Variants in AGTPBP1 observed in about 807,000 individuals in gnomAD.
AGTPBP1 encodes the protein cytosolic carboxypeptidase 1.
Under a neutral mutation model 143.9 loss-of-function variants are expected in AGTPBP1, and 70 were observed. That is an observed-to-expected ratio of 0.49 (90% CI 0.40 to 0.59). The LOEUF is 0.59. Among genes scored for constraint, AGTPBP1 ranks in the 20% least tolerant of loss-of-function variants. The pLI is 0.00. For missense variants in AGTPBP1, 1,229 were observed against 1,464.5 expected, an observed-to-expected ratio of 0.84 and a Z score of 2.62; for synonymous variants, 463 against 500.2, an observed-to-expected ratio of 0.93 and a Z score of 0.99.
At chr9:85,678,829 T>C (rs1456195285) in intron 4 of AGTPBP1, among the ~76,000 whole-genome samples, 1 of 152,228 alleles carries the variant, frequency 6.6e-6, no homozygotes, top group African/African-American at 2.4e-5. Context: ...TAAATATACA[T>C]GTGCATACAG....
chr9:85,789,237 C>T, the AGTPBP1 span, among the ~76,000 whole-genome samples: 19 of 151,980 alleles, frequency 1.3e-4, no homozygotes, highest in African/African-American at 4.3e-4. Context: ...ATAATATATT[C>T]TGGAAATCAA....
rs770742384 is a variant in AGTPBP1 at position 85,681,354 on chromosome 9, T to C, written c.158-19A>G. The C allele has an allele frequency of 5.6e-6, 9 of 1,605,058 alleles. No individual in the cohort carries two copies. The South Asian group carries it at 6.7e-5, about 12-fold the overall frequency. ...GTTTTTTCTGAAAAGTAGCAAACAA[T>C]TTTTTTCTCAAACATAAATTTTTAA... On this transcript the variant is annotated intron_variant, in intron 3 of 25. Coordinates refer to ENST00000357081, the MANE Select transcript of AGTPBP1 (RefSeq NM_001330701.2).
intron 8 of AGTPBP1, among the ~76,000 whole-genome samples, chr9:85,667,846 T>C (rs1035379124): frequency 7.8e-5 from 11 of 141,402 alleles, no homozygotes; most frequent in Non-Finnish European, 1.5e-5. Flanking sequence ...TTATGAGACA[T>C]ATCAATCAAA....
At chr9:85,756,613 G>A in the AGTPBP1 span, among the ~76,000 whole-genome samples, 1 of 152,042 alleles carries the variant, frequency 6.6e-6, no homozygotes, top group Non-Finnish European at 1.5e-5. Flanking sequence ...TTCTCCATGA[G>A]AAATGAAAGC....
At chr9:85,762,803 TTA>T in the AGTPBP1 span, among the ~76,000 whole-genome samples, 5 of 147,954 alleles carry the variant, frequency 3.4e-5, no homozygotes, top group South Asian at 2.1e-4. Context: ...ATATAAAACT[TTA>T]TATATATGTA....
intron 12 of AGTPBP1, among the ~76,000 whole-genome samples, chr9:85,644,069 G>GA (rs1290687120): frequency 6.6e-6 from 1 of 151,506 alleles, no homozygotes; most frequent in East Asian, 1.9e-4. Flanking sequence ...TAGTTTAAAA[G>GA]AAAAAAACAT....
At chr9:85,575,243 C>A in intron 25 of AGTPBP1, 72 bp downstream of exon 25, 1 of 1,191,960 alleles carries the variant, frequency 8.4e-7, no homozygotes, top group South Asian at 2.1e-5. Context: ...AATTTCCATG[C>A]CTTTTCTGCT....
At position 85,590,536 on chromosome 9, in the gene AGTPBP1, A is replaced by G. The variant is rs1467385402; in HGVS notation, c.2569-855T>C. On this transcript the variant is annotated intron_variant, in intron 19 of 25. Transcript: ENST00000357081. ...AAACTTTTGCCTATGTTCTTTCACA[A>G]ATCACTATTGACTGAGTGGTCACTA... 2.6e-5 allele frequency among the ~76,000 whole-genome samples: 4 copies of G among 152,132 alleles called. No homozygotes were observed. The East Asian group carries it at 7.7e-4, about 29-fold the overall frequency.
chr9:85,712,457 A>C, intron 2 of AGTPBP1, 45 bp downstream of exon 2: 1 of 1,063,890 alleles, frequency 9.4e-7, no homozygotes, highest in East Asian at 2.7e-5. Flanking sequence ...TCTGTCATAC[A>C]TTATTTCTGT....
intron 17 of AGTPBP1, among the ~76,000 whole-genome samples, chr9:85,608,667 A>G (rs761388321): frequency 2.6e-5 from 4 of 152,058 alleles, no homozygotes; most frequent in African/African-American, 9.7e-5. Flanking sequence ...TTAAGATATA[A>G]TATAAGATGA....
the AGTPBP1 span, among the ~76,000 whole-genome samples, chr9:85,774,436 T>A: frequency 6.6e-6 from 1 of 152,214 alleles, no homozygotes; most frequent in Non-Finnish European, 1.5e-5. Context: ...ATAGGTTCTG[T>A]CATATTCCTA....
intron 13 of AGTPBP1, among the ~76,000 whole-genome samples, chr9:85,635,486 C>T (rs998387179): frequency 6.6e-6 from 1 of 152,044 alleles, no homozygotes; most frequent in Non-Finnish European, 1.5e-5. Flanking sequence ...AGTATCCACC[C>T]CACAGAACTA....
At chr9:85,711,988 G>A (rs1837408122) in intron 2 of AGTPBP1, among the ~76,000 whole-genome samples, 1 of 152,100 alleles carries the variant, frequency 6.6e-6, no homozygotes, top group Non-Finnish European at 1.5e-5. Flanking sequence ...AACCGGCCGG[G>A]CATGGAGGTT....
intron 2 of AGTPBP1, among the ~76,000 whole-genome samples, chr9:85,709,804 C>A (rs1837251268): frequency 6.6e-6 from 1 of 152,070 alleles, no homozygotes; most frequent in African/African-American, 2.4e-5. Context: ...AGATTTAGGG[C>A]ATGACCATAA....
At chr9:85,666,673 G>C (rs1011529261) in intron 8 of AGTPBP1, among the ~76,000 whole-genome samples, 3 of 151,958 alleles carry the variant, frequency 2.0e-5, no homozygotes, top group African/African-American at 7.2e-5. Context: ...AGATCCTTTT[G>C]AAATGCTCCA....
At chr9:85,573,387 G>A (rs996658690) in intron 25 of AGTPBP1, among the ~76,000 whole-genome samples, 1 of 152,220 alleles carries the variant, frequency 6.6e-6, no homozygotes, top group Non-Finnish European at 1.5e-5. Context: ...ATTGCAGACG[G>A]AGTCTCGTTC....
intron 25 of AGTPBP1, among the ~76,000 whole-genome samples, chr9:85,558,181 G>C (rs1484742077): frequency 1.3e-5 from 2 of 152,186 alleles, no homozygotes; most frequent in Non-Finnish European, 2.9e-5. Flanking sequence ...AGTGACACAT[G>C]CTACAATATG....
At chr9:85,551,707 T>A (rs983985575) in intron 25 of AGTPBP1, among the ~76,000 whole-genome samples, 2 of 152,262 alleles carry the variant, frequency 1.3e-5, no homozygotes, top group Admixed American at 1.3e-4. Context: ...TTTGCTTTTA[T>A]TAATAATTTC....
At chr9:85,728,261 T>G (rs1194909851) in intron 1 of AGTPBP1, among the ~76,000 whole-genome samples, 1 of 152,206 alleles carries the variant, frequency 6.6e-6, no homozygotes, top group Non-Finnish European at 1.5e-5. Context: ...CCTTTTCTTT[T>G]CAAATAAATG....
Sources: gnomAD v4.1 joint callset for allele counts (sites outside exome capture counted in the v4.1 genomes callset) on GRCh38, gnomAD v4.1.1 for gene constraint, MANE v1.5 for transcripts, NCBI Gene and HGNC (gene_info 2026-07-23, HGNC 2026-07-21) for gene names.